Variants in RBFOX1 observed in about 807,000 individuals in gnomAD.
RBFOX1 encodes RNA binding protein fox-1 homolog 1.
Under a neutral mutation model 57.7 loss-of-function variants are expected in RBFOX1, and 8 were observed. The ratio of observed to expected loss-of-function variants is 0.14; its 90% confidence interval spans 0.08 to 0.25. RBFOX1 has a LOEUF of 0.25. Among genes scored for constraint, RBFOX1 ranks in the 10% least tolerant of loss-of-function variants. The pLI is 1.00. For synonymous variants in RBFOX1, 326 were observed against 222.4 expected (o/e 1.47, Z -4.15); for missense variants, 611 against 548.5 (o/e 1.11, Z -1.14).
At chr16:6,780,514 AT>A (rs1170135091) in intron 3 of RBFOX1, among the ~76,000 whole-genome samples, 52 of 115,974 alleles carry the variant, frequency 4.5e-4, no homozygotes, top group Non-Finnish European at 8.3e-4. Flanking sequence ...ATATTTATAT[AT>A]ACATTTATAT....
intron 4 of RBFOX1, among the ~76,000 whole-genome samples, chr16:7,414,898 G>T (rs539501945): frequency 6.6e-6 from 1 of 152,188 alleles, no homozygotes; most frequent in African/African-American, 2.4e-5. Flanking sequence ...GATTACAGGT[G>T]GTGAGCCACG....
chr16:6,793,699 A>G (rs990762279), intron 3 of RBFOX1, among the ~76,000 whole-genome samples: 4 of 152,194 alleles, frequency 2.6e-5, no homozygotes, highest in African/African-American at 9.7e-5. Context: ...TGCATTGGCC[A>G]TCTTTTCACC....
intron 3 of RBFOX1, among the ~76,000 whole-genome samples, chr16:6,761,191 T>C (rs944466198): frequency 2.0e-5 from 3 of 152,072 alleles, no homozygotes; most frequent in African/African-American, 7.2e-5. Flanking sequence ...ATTTTAGAAC[T>C]AAAGGAGGCA....
intron 4 of RBFOX1, among the ~76,000 whole-genome samples, chr16:7,104,911 C>T (rs1481465733): frequency 6.6e-6 from 1 of 151,988 alleles, no homozygotes; most frequent in Admixed American, 6.6e-5. Flanking sequence ...CAACCATATT[C>T]AGAAAATATA....
At chr16:7,117,295 A>G (rs1181398712) in intron 4 of RBFOX1, among the ~76,000 whole-genome samples, 3 of 152,174 alleles carry the variant, frequency 2.0e-5, no homozygotes, top group African/African-American at 7.2e-5. Context: ...AAGTTATTTA[A>G]TTAGAAAATT....
chr16:7,496,952 T>C (rs1199847125), intron 4 of RBFOX1, among the ~76,000 whole-genome samples: 2 of 152,130 alleles, frequency 1.3e-5, no homozygotes, highest in Admixed American at 1.3e-4. Flanking sequence ...AGTGAGCCTC[T>C]GGTTTCATCT....
At chr16:6,594,511 G>C (rs1706854002) in intron 2 of RBFOX1, among the ~76,000 whole-genome samples, 1 of 152,274 alleles carries the variant, frequency 6.6e-6, no homozygotes, top group African/African-American at 2.4e-5. Context: ...TTGTTGACAT[G>C]TAGGAATCAG....
Position 6,470,082 on chromosome 16 carries a change from C to G in RBFOX1, c.-64+153025C>G, listed in dbSNP as rs527239760. Among the ~76,000 whole-genome samples the G allele has an allele frequency of 2.6e-5, 4 of 152,280 alleles. No homozygotes were observed. The South Asian group carries it at 6.2e-4, about 24-fold the overall frequency. ...TTGTGCCTGATAGACATTTCTTTAA[C>G]CAGAATGCTTTGCCACTGTATCCTC... On this transcript the variant is annotated intron_variant, in intron 2 of 15. Transcript: ENST00000550418.
intron 3 of RBFOX1, among the ~76,000 whole-genome samples, chr16:6,772,915 G>A (rs1436547522): frequency 6.7e-6 from 1 of 148,492 alleles, no homozygotes; most frequent in Non-Finnish European, 1.5e-5. Context: ...GTAAGTGTGG[G>A]CTTGGAGTAC....
At chr16:7,002,651 G>A (rs1323351762) in intron 3 of RBFOX1, among the ~76,000 whole-genome samples, 2 of 152,198 alleles carry the variant, frequency 1.3e-5, no homozygotes, top group Non-Finnish European at 2.9e-5. Context: ...GGCAGAGGTT[G>A]CAGGGAGCCG....
chr16:5,610,865 C>T (rs1436037780), intron 3 of RBFOX1, among the ~76,000 whole-genome samples: 2 of 152,040 alleles, frequency 1.3e-5, no homozygotes, highest in Admixed American at 6.6e-5. Flanking sequence ...AAGACCCTAT[C>T]TGTCAAAAGA....
At chr16:7,367,421 C>G (rs975684019) in intron 4 of RBFOX1, among the ~76,000 whole-genome samples, 2 of 152,208 alleles carry the variant, frequency 1.3e-5, no homozygotes, top group African/African-American at 4.8e-5. Flanking sequence ...GATTCCATGA[C>G]AAGTCCTTAG....
At chr16:7,007,759 C>G in intron 3 of RBFOX1, among the ~76,000 whole-genome samples, 1 of 152,164 alleles carries the variant, frequency 6.6e-6, no homozygotes, top group East Asian at 1.9e-4. Flanking sequence ...TCCCTACATG[C>G]AGGTCCTTAG....
At chr16:6,887,228 C>G (rs925397994) in intron 3 of RBFOX1, among the ~76,000 whole-genome samples, 2 of 152,134 alleles carry the variant, frequency 1.3e-5, no homozygotes. Flanking sequence ...TGGAAGGAGA[C>G]TATAGAGTAG....
Position 5,518,096 on chromosome 16 carries a change from G to A in RBFOX1, c.258+50842G>A, listed in dbSNP as rs200191158. On this transcript the variant is annotated intron_variant, in intron 2 of 2. Transcript: ENST00000585867. ...AACAACCTATAAATGCCTTATGCTTGTTGCTGTTATGCAGCTGCAAAGCTA... is the reference window on the plus strand; with the variant it reads ...AACAACCTATAAATGCCTTATGCTTATTGCTGTTATGCAGCTGCAAAGCTA... Among the ~76,000 whole-genome samples, 12 of 152,270 alleles carry A rather than the reference G, an allele frequency of 7.9e-5. No individual in the cohort carries two copies. The East Asian group carries it at 1.5e-3, about 20-fold the overall frequency.
intron 1 of RBFOX1, among the ~76,000 whole-genome samples, chr16:5,398,691 A>G (rs1034797431): frequency 6.6e-6 from 1 of 151,816 alleles, no homozygotes; most frequent in Non-Finnish European, 1.5e-5. Context: ...ACAGTGGGGG[A>G]GGAAGGAGGC....
intron 4 of RBFOX1, among the ~76,000 whole-genome samples, chr16:7,240,219 G>A (rs56032816): frequency 0.31 from 47,375 of 151,914 alleles, 7,947 homozygotes; most frequent in Middle Eastern, 0.5. Context: ...CTCCCGCCTC[G>A]GCCTCCCAAA....
At chr16:7,144,918 G>T (rs1028419798) in intron 4 of RBFOX1, among the ~76,000 whole-genome samples, 1 of 152,058 alleles carries the variant, frequency 6.6e-6, no homozygotes, top group Admixed American at 6.5e-5. Context: ...CTGATGTGAG[G>T]CACCTTTGCC....
chr16:7,362,191 TTG>T (rs1482783102), intron 4 of RBFOX1, among the ~76,000 whole-genome samples: 6 of 139,664 alleles, frequency 4.3e-5, no homozygotes, highest in Non-Finnish European at 9.2e-5. Context: ...GTGTGTGTGT[TTG>T]TGTATGATTG....
Sources: allele counts gnomAD v4.1 joint callset (sites outside exome capture counted in the v4.1 genomes callset), GRCh38; gene constraint gnomAD v4.1.1; transcripts MANE v1.5; gene names NCBI Gene and HGNC (gene_info 2026-07-23, HGNC 2026-07-21).